Variants in ANK3 observed in about 807,000 individuals in gnomAD.
ANK3 encodes the protein ankyrin-3.
Under a neutral mutation model 370.9 loss-of-function variants are expected in ANK3, and 57 were observed. That is an observed-to-expected ratio of 0.15 (90% CI 0.12 to 0.19). The LOEUF (loss-of-function observed/expected upper bound fraction) is 0.19, where lower values mean the gene tolerates loss of function less well. Among genes scored for constraint, ANK3 ranks in the 10% least tolerant of loss-of-function variants. ANK3 has a pLI of 1.00. For missense variants in ANK3, 4,439 were observed against 5,302.1 expected (o/e 0.84, Z 5.06); for synonymous variants, 1,929 against 1,946.3 (o/e 0.99, Z 0.23).
intron 43 of ANK3, among the ~76,000 whole-genome samples, chr10:60,035,977 T>C (rs914985881): frequency 6.6e-6 from 1 of 152,284 alleles, no homozygotes. Context: ...CCTGAATTTG[T>C]AGTGAAGCAA....
chr10:60,315,719 A>G (rs2047266699), intron 1 of ANK3, among the ~76,000 whole-genome samples: 1 of 152,080 alleles, frequency 6.6e-6, no homozygotes, highest in African/African-American at 2.4e-5. Context: ...TTCAAAATAT[A>G]TATATATATA....
At chr10:60,194,071 A>T (rs947774299) in intron 16 of ANK3, among the ~76,000 whole-genome samples, 3 of 152,224 alleles carry the variant, frequency 2.0e-5, no homozygotes, top group African/African-American at 7.2e-5. Context: ...CAGTGAGCCA[A>T]GATCGTGCCA....
At chr10:60,609,329 G>T (rs1006055566) in intron 2 of ANK3, among the ~76,000 whole-genome samples, 15 of 152,118 alleles carry the variant, frequency 9.9e-5, no homozygotes, top group African/African-American at 3.4e-4. Context: ...TGAATTACTA[G>T]GCTATACTGC....
At chr10:60,097,189 G>C (rs1045888897) in intron 28 of ANK3, among the ~76,000 whole-genome samples, 6 of 152,224 alleles carry the variant, frequency 3.9e-5, no homozygotes, top group African/African-American at 1.4e-4. Context: ...TGTCCAGATG[G>C]ATTTAGCTCG....
intron 1 of ANK3, among the ~76,000 whole-genome samples, chr10:60,694,225 G>A (rs150185883): frequency 0.018 from 2,705 of 152,276 alleles, 27 homozygotes; most frequent in Non-Finnish European, 0.025. Flanking sequence ...AACGAGCGAA[G>A]CCTCCAAGAA....
intron 2 of ANK3, among the ~76,000 whole-genome samples, chr10:60,567,989 T>A (rs767009934): frequency 3.3e-5 from 5 of 152,142 alleles, no homozygotes; most frequent in Non-Finnish European, 7.4e-5. Flanking sequence ...GGATGAGGAG[T>A]TACTTCTTAT....
chr10:60,339,958 A>T (rs954278385), intron 1 of ANK3, among the ~76,000 whole-genome samples: 22 of 152,248 alleles, frequency 1.4e-4, no homozygotes, highest in Admixed American at 1.3e-4. Flanking sequence ...GACAGTGAGC[A>T]GATTGATGCC....
intron 7 of ANK3, among the ~76,000 whole-genome samples, chr10:60,246,255 C>CAAAAAAAAAAAAAAAAAAA (rs869144298): frequency 8.6e-5 from 8 of 92,700 alleles, no homozygotes; most frequent in African/African-American, 2.8e-4. Context: ...AACCCTGTAT[C>CAAAAAAAAAAAAAAAAAAA]AAAAAAAAAA....
intron 43 of ANK3, among the ~76,000 whole-genome samples, chr10:60,040,788 C>A (rs1486286520): frequency 6.6e-6 from 1 of 152,018 alleles, no homozygotes; most frequent in East Asian, 1.9e-4. Context: ...TGGTTCTTTT[C>A]CACTAGGAGC....
rs2095840671 is a variant in ANK3, at chr10:60,173,206, A to T, written c.2185-20T>A. On this transcript the variant is annotated intron_variant, in intron 18 of 43. Transcript: ENST00000280772. Reference sequence around the variant, plus strand: ...TCCCATCTGTAATTATTATTTTTTTAAAAAAGAAGCATCATAATTACACTT... The same window carrying T: ...TCCCATCTGTAATTATTATTTTTTTTAAAAAGAAGCATCATAATTACACTT... 1.2e-5 allele frequency: 18 copies of T among 1,564,678 alleles called. No homozygotes were observed. Among genetic ancestry groups the T allele is most frequent in the Middle Eastern group, 1.7e-4 (1 of 5,876 alleles).
chr10:60,245,238 T>G lies in ANK3; in HGVS notation c.799-10452A>C, dbSNP rs559026935. On this transcript the variant is annotated intron_variant, in intron 7 of 43. Coordinates refer to ENST00000280772, the MANE Select transcript of ANK3 (RefSeq NM_020987.5). ...CAATGTAGAAAATTAGAGAACTGAA[T>G]TTCTGTTCCCTTTAATTTTCTTAAG... Among the ~76,000 whole-genome samples the G allele has an allele frequency of 2.6e-5, 4 of 152,310 alleles. No individual in the cohort carries two copies. In the South Asian group the frequency reaches 8.3e-4, roughly 32 times the overall value.
intron 2 of ANK3, among the ~76,000 whole-genome samples, chr10:60,530,445 A>C (rs1011246282): frequency 6.4e-4 from 65 of 101,152 alleles, no homozygotes; most frequent in African/African-American, 2.2e-3. Context: ...AATTCTGTTA[A>C]TCTTCACCAA....
At chr10:60,096,845 G>A (rs1446423025) in intron 28 of ANK3, among the ~76,000 whole-genome samples, 3 of 152,150 alleles carry the variant, frequency 2.0e-5, no homozygotes, top group East Asian at 3.8e-4. Flanking sequence ...ACAGAATTGA[G>A]GGAGAAAAAT....
chr10:60,576,686 C>A (rs967113799), intron 2 of ANK3, among the ~76,000 whole-genome samples: 1 of 152,200 alleles, frequency 6.6e-6, no homozygotes, highest in African/African-American at 2.4e-5. Context: ...TAACAGCATT[C>A]CCTTGATACC....
intron 2 of ANK3, among the ~76,000 whole-genome samples, chr10:60,510,223 A>G (rs1214882792): frequency 6.6e-6 from 1 of 152,128 alleles, no homozygotes; most frequent in East Asian, 1.9e-4. Context: ...GAGCTTTCAT[A>G]TATATATCTA....
At chr10:60,471,395 T>C (rs1385837217) in intron 2 of ANK3, among the ~76,000 whole-genome samples, 1 of 152,190 alleles carries the variant, frequency 6.6e-6, no homozygotes, top group Non-Finnish European at 1.5e-5. Context: ...GTATCATTTT[T>C]CCAGTTACTG....
intron 25 of ANK3, among the ~76,000 whole-genome samples, chr10:60,130,045 G>A (rs1187776549): frequency 2.0e-5 from 3 of 152,152 alleles, no homozygotes; most frequent in Non-Finnish European, 2.9e-5. Context: ...AATTCTAATA[G>A]AAAATGTTTA....
intron 23 of ANK3, among the ~76,000 whole-genome samples, chr10:60,150,318 A>T (rs1420369728): frequency 1.3e-5 from 2 of 152,046 alleles, no homozygotes; most frequent in Non-Finnish European, 2.9e-5. Flanking sequence ...AAGTTTTCTA[A>T]ATATGAAACA....
In ANK3 at chr10:60,263,965, G is replaced by C; in HGVS notation, c.569C>G (p.Ser190Trp). ...ALQQGHDQVVSLLLENDTKGK... is the reference protein window; with the variant it reads ...ALQQGHDQVVWLLLENDTKGK... Reference sequence around the variant, plus strand: ...TTTGGTGTCATTCTCTAGCAGGAGCGAAACGACTTGGTCGTGACCTTGTTG... The same window carrying C: ...TTTGGTGTCATTCTCTAGCAGGAGCCAAACGACTTGGTCGTGACCTTGTTG... The change falls in exon 6 of 44, where the codon TCG (serine) becomes TGG (tryptophan). Residue 190 changes from serine (S) to tryptophan (W), a missense_variant. Physicochemically the swap from Ser to Trp is radical, Grantham distance 177. Around this residue, in one of 13 missense-constraint regions of ANK3, gnomAD observed 136 missense variants for 230.5 expected, o/e 0.59. Transcript: ENST00000280772. 1 of 1,614,048 alleles carries C rather than the reference G, an allele frequency of 6.2e-7. No homozygotes were observed. Among genetic ancestry groups the C allele is most frequent in the Non-Finnish European group, 8.5e-7 (1 of 1,179,962 alleles).
Sources: allele counts gnomAD v4.1 joint callset (sites outside exome capture counted in the v4.1 genomes callset), GRCh38; gene constraint gnomAD v4.1.1; regional missense constraint gnomAD v4.1.1; transcripts MANE v1.5; gene names NCBI Gene and HGNC (gene_info 2026-07-23, HGNC 2026-07-21).